PC: variants seen among roughly 807,000 people sequenced by gnomAD.
The protein encoded by PC is pyruvate carboxylase, mitochondrial.
In PC, 46 loss-of-function variants were observed where a neutral mutation model predicts 107.8. That is an observed-to-expected ratio of 0.43 (90% confidence interval 0.34 to 0.55). The LOEUF (loss-of-function observed/expected upper bound fraction) is 0.55. Among genes scored for constraint, PC ranks in the 20% least tolerant of loss-of-function variants. The pLI, the probability that PC is intolerant of heterozygous loss-of-function variation, is 0.04. For missense variants in PC, 1,241 were observed against 1,643.1 expected, an observed-to-expected ratio of 0.76 and a Z score of 4.23; for synonymous variants, 662 against 684.7, an observed-to-expected ratio of 0.97 and a Z score of 0.52.
rs1005674795 is a variant in PC at position 66,849,644 on chromosome 11, G to A, written c.3114C>T (p.Phe1038=). Residue 1038 remains phenylalanine, a synonymous_variant, in exon 21 of 23, where the codon TTC becomes TTT. Transcript: ENST00000393960. ...CCTCTGCGATCTTGGGTCCCTGCAG[G>A]AAGAGGCGAGTATTCAGGCTATCCA... The part of the protein sequence containing the change: ...GPLDSLNTRL[F]LQGPKIAEEF... 1 of 1,614,192 alleles carries A rather than the reference G, an allele frequency of 6.2e-7. No homozygotes were observed. Among genetic ancestry groups the A allele is most frequent in the Admixed American group, 1.7e-5 (1 of 60,026 alleles).
chr11:66,848,751 G>T lies in PC; in HGVS notation c.*148C>A. The T allele has an allele frequency of 1.1e-6, 1 of 913,698 alleles. No individual in the cohort carries two copies. The highest frequency in any genetic ancestry group is 1.7e-6 in the Non-Finnish European group (1 of 577,472). 56.6% of individuals were successfully genotyped at this position (913,698 alleles called of 1,614,324 possible). ...CGATGGCTGAAAGGAATGAACCACC[G>T]CAGGCGGTGTCTCTCCTGTCCAGCT... On this transcript the variant is annotated 3_prime_UTR_variant, in exon 23 of 23. Transcript: ENST00000393960.
rs373081377 is a variant in PC, at chr11:66,857,873, G to A, written c.1369-4490C>T. The A allele has an allele frequency of 1.6e-4, 250 of 1,610,350 alleles. No homozygotes were observed. Among genetic ancestry groups the A allele is most frequent in the Non-Finnish European group, 2.0e-4 (240 of 1,179,902 alleles). On this transcript the variant is annotated intron_variant, in intron 12 of 22. Coordinates refer to ENST00000393960, the MANE Select transcript of PC (RefSeq NM_001040716.2). The surrounding 1 kb of genome is among the most constrained non-coding windows in gnomAD (Gnocchi z 7.1). ...CCCACCGAGGCCTGCTGTTTGTGCC[G>A]CCCAACGTGGACCGGCGCACAGTGG...
At chr11:66,893,716 G>A (rs1437937495) in intron 3 of PC, among the ~76,000 whole-genome samples, 3 of 152,210 alleles carry the variant, frequency 2.0e-5, no homozygotes, top group South Asian at 2.1e-4. Flanking sequence ...AGGTTGAAGC[G>A]TGGGGGTGTA....
intron 11 of PC, among the ~76,000 whole-genome samples, chr11:66,865,986 G>T (rs1040027077): frequency 1.3e-5 from 2 of 152,158 alleles, no homozygotes; most frequent in Non-Finnish European, 2.9e-5. Flanking sequence ...TGACCTGGGC[G>T]CCCAGCAGTC....
At chr11:66,926,603 T>C (rs1948719067) in intron 3 of PC, among the ~76,000 whole-genome samples, 1 of 152,206 alleles carries the variant, frequency 6.6e-6, no homozygotes, top group South Asian at 2.1e-4. Context: ...TGGTTACCAG[T>C]ACTATACAGT....
At chr11:66,878,857 T>C (rs966470590) in intron 3 of PC, among the ~76,000 whole-genome samples, 6 of 152,174 alleles carry the variant, frequency 3.9e-5, no homozygotes, top group Admixed American at 1.3e-4. Flanking sequence ...TAGCCTCCTC[T>C]GGGGCACAGC....
At chr11:66,907,290 G>C (rs1453534686) in intron 3 of PC, among the ~76,000 whole-genome samples, 1 of 152,250 alleles carries the variant, frequency 6.6e-6, no homozygotes, top group Non-Finnish European at 1.5e-5. Flanking sequence ...CACTTTGGGA[G>C]GCCGAGGCGG....
chr11:66,880,370 C>T (rs923582230), intron 3 of PC, among the ~76,000 whole-genome samples: 2 of 152,194 alleles, frequency 1.3e-5, no homozygotes, highest in Non-Finnish European at 2.9e-5. Context: ...ACTCCCCCTG[C>T]TCCCCAATAC....
intron 3 of PC, among the ~76,000 whole-genome samples, chr11:66,904,000 A>T (rs1177374454): frequency 1.1e-4 from 17 of 151,204 alleles, no homozygotes; most frequent in Non-Finnish European, 2.9e-5. Flanking sequence ...GCTACAGACT[A>T]TAATTATATT....
At position 66,871,471 on chromosome 11, in the gene PC, C is replaced by T. The variant is rs753573264; in HGVS notation, c.331G>A (p.Val111Ile). ...CCGTAGCCAGGGTGCACTGCATCTA[C>T]GTTGTTCTCCTGCAGGTGGGGGTCA... is the stretch of plus-strand genomic sequence containing the variant. ...DIIKVAKENN[V>I]DAVHPGYGFL... is the part of the protein sequence containing the mutation. The change falls in exon 6 of 23, where the codon GTA (valine) becomes ATA (isoleucine). Residue 111 changes from valine to isoleucine, a missense_variant. Physicochemically the swap from Val to Ile is conservative, Grantham distance 29. Transcript: ENST00000393960. This position sits in a 1 kb window ranked among gnomAD's most constrained non-coding sequence, Gnocchi z 7.4. The T allele has an allele frequency of 3.1e-6, 5 of 1,613,314 alleles. No individual in the cohort carries two copies. The highest frequency in any genetic ancestry group is 4.2e-6 in the Non-Finnish European group (5 of 1,180,026).
intron 12 of PC, among the ~76,000 whole-genome samples, chr11:66,856,029 C>CGT (rs1555018517): frequency 6.6e-6 from 1 of 151,998 alleles, no homozygotes; most frequent in Non-Finnish European, 1.5e-5. Flanking sequence ...GTGGTGACTT[C>CGT]CTGTTTCCCA....
At chr11:66,941,400 G>A (rs1158090044) in intron 3 of PC, among the ~76,000 whole-genome samples, 3 of 152,216 alleles carry the variant, frequency 2.0e-5, no homozygotes, top group East Asian at 1.9e-4. Context: ...ATTCATGGAA[G>A]CATTATTCAT....
At chr11:66,867,311 G>A (rs527915698) in intron 10 of PC, among the ~76,000 whole-genome samples, 6 of 152,300 alleles carry the variant, frequency 3.9e-5, no homozygotes, top group South Asian at 2.1e-4. Flanking sequence ...ACTTGAACCC[G>A]GGAGGCAGAA....
intron 3 of PC, among the ~76,000 whole-genome samples, chr11:66,877,908 G>A (rs532896276): frequency 6.6e-6 from 1 of 152,158 alleles, no homozygotes; most frequent in African/African-American, 2.4e-5. Context: ...CACGTGCTAT[G>A]GAATTGCTGT....
intron 3 of PC, among the ~76,000 whole-genome samples, chr11:66,889,797 T>C (rs117198825): frequency 6.6e-6 from 1 of 152,286 alleles, no homozygotes; most frequent in East Asian, 1.9e-4. Flanking sequence ...CTTTTCTCCT[T>C]TTCTCCCAGG....
intron 3 of PC, among the ~76,000 whole-genome samples, chr11:66,893,735 CT>C (rs1173196152): frequency 7.2e-5 from 11 of 152,106 alleles, no homozygotes; most frequent in Non-Finnish European, 1.5e-4. Flanking sequence ...TAAAATCACG[CT>C]TTTTGGTGGA....
intron 3 of PC, among the ~76,000 whole-genome samples, chr11:66,875,659 C>T (rs941420970): frequency 6.6e-6 from 1 of 151,996 alleles, no homozygotes; most frequent in Admixed American, 6.5e-5. Flanking sequence ...GCGAGTTGGG[C>T]AGAGCATGAC....
At chr11:66,887,952 C>G (rs1003099353) in intron 3 of PC, among the ~76,000 whole-genome samples, 4 of 152,258 alleles carry the variant, frequency 2.6e-5, no homozygotes, top group Non-Finnish European at 5.9e-5. Context: ...GGCTGCCGGG[C>G]TCCTTTGCTC....
At chr11:66,877,362 G>T (rs910219640) in intron 3 of PC, among the ~76,000 whole-genome samples, 1 of 152,062 alleles carries the variant, frequency 6.6e-6, no homozygotes, top group African/African-American at 2.4e-5. Flanking sequence ...TTCCAGCCTG[G>T]GTGATAGAGC....
Sources: gnomAD v4.1 joint callset for allele counts (sites outside exome capture counted in the v4.1 genomes callset) on GRCh38, gnomAD v4.1.1 for gene constraint, Gnocchi (gnomAD v3.1) non-coding constraint, MANE v1.5 for transcripts, NCBI Gene and HGNC (gene_info 2026-07-23, HGNC 2026-07-21) for gene names.